GPR173: variants seen among roughly 807,000 people sequenced by gnomAD.
The protein encoded by GPR173 is G protein-coupled receptor 173.
A neutral mutation model predicts 13.9 loss-of-function variants in GPR173; 2 were observed. That is an observed-to-expected ratio of 0.14 (90% CI 0.06 to 0.45). The LOEUF (loss-of-function observed/expected upper bound fraction) is 0.45, where lower values mean the gene tolerates loss of function less well. GPR173 is among the 20% of genes least tolerant of loss of function. The probability of loss-of-function intolerance (pLI) is 0.98; values close to 1 mark genes in which losing one functional copy is unlikely to be tolerated. For synonymous variants in GPR173, 131 were observed against 141.0 expected (o/e 0.93, Z 0.50); for missense variants, 202 against 340.5 (o/e 0.59, Z 3.20).
chrX:53,065,436 G>A (rs988553255), intron 1 of GPR173: 15 of 112,133 alleles, frequency 1.3e-4, no homozygotes, highest in African/African-American at 4.9e-4. Flanking sequence ...TGTTGAGTAT[G>A]GCTGGTGCTT....
chrX:53,062,305 C>T (rs1051927605), intron 1 of GPR173, among the ~76,000 whole-genome samples: 12 of 110,599 alleles, frequency 1.1e-4, no homozygotes, highest in African/African-American at 1.6e-4. Context: ...AGTCTTGACT[C>T]GTTCCAGCAC....
At chrX:53,066,304 T>C (rs1168844542) in intron 1 of GPR173, among the ~76,000 whole-genome samples, 3 of 111,629 alleles carry the variant, frequency 2.7e-5, no homozygotes, top group South Asian at 3.7e-4. Context: ...ATTTCCTAAG[T>C]TGAAGTTTTG....
intron 1 of GPR173, among the ~76,000 whole-genome samples, chrX:53,060,746 T>TA (rs1277475241): frequency 9.4e-6 from 1 of 105,854 alleles, no homozygotes; most frequent in Non-Finnish European, 1.9e-5. Context: ...GGTATACGGT[T>TA]AGCCTCAAAA....
chrX:53,071,754 G>A lies in GPR173; in HGVS notation c.-97-4771G>A, dbSNP rs1400284155. Among the ~76,000 whole-genome samples the A allele has an allele frequency of 4.4e-5, 5 of 112,499 alleles. No individual in the cohort carries two copies. The East Asian group carries it at 1.4e-3, about 31-fold the overall frequency. On this transcript the variant is annotated intron_variant, in intron 1 of 1. Transcript: ENST00000332582. ...TGAGGACGAAGCGCTGGCGCTCGGA[G>A]AGGGTACACTGTGTACCTGTGTGAA...
chrX:53,073,672 G>A (rs1454400739), intron 1 of GPR173, among the ~76,000 whole-genome samples: 1 of 103,099 alleles, frequency 9.7e-6, no homozygotes. Flanking sequence ...TGTTCTTTCA[G>A]AGGAGAGTCA....
At chrX:53,056,043 G>T (rs974529870) in intron 1 of GPR173, among the ~76,000 whole-genome samples, 32 of 109,399 alleles carry the variant, frequency 2.9e-4, no homozygotes, top group Admixed American at 5.0e-4. Context: ...GTCATTGTGG[G>T]TGTGTCTTAA....
At chrX:53,075,680 C>A (rs1387476431) in intron 1 of GPR173, among the ~76,000 whole-genome samples, 1 of 110,250 alleles carries the variant, frequency 9.1e-6, no homozygotes, top group Non-Finnish European at 1.9e-5. Context: ...GGCCCCAAGG[C>A]ATCTCTGCGA....
chrX:53,049,667 C>T (rs980251782), intron 1 of GPR173, among the ~76,000 whole-genome samples, 183 bp downstream of exon 1: 13 of 111,966 alleles, frequency 1.2e-4, no homozygotes, highest in African/African-American at 3.3e-4. Context: ...ATCTTCCCCC[C>T]ATCTTCCCCA....
chrX:53,059,021 G>A (rs1602089519), intron 1 of GPR173, among the ~76,000 whole-genome samples: 1 of 108,409 alleles, frequency 9.2e-6, no homozygotes, highest in African/African-American at 3.4e-5. Flanking sequence ...AGGCCGAGGC[G>A]GGCGGATCAC....
intron 1 of GPR173, among the ~76,000 whole-genome samples, chrX:53,068,471 A>G (rs1420732755): frequency 9.0e-6 from 1 of 110,800 alleles, no homozygotes; most frequent in East Asian, 2.8e-4. Flanking sequence ...AAATAAGAAG[A>G]AAATCAAATT....
chrX:53,073,150 G>A (rs1277985143), intron 1 of GPR173, among the ~76,000 whole-genome samples: 2 of 108,204 alleles, frequency 1.8e-5, no homozygotes, highest in African/African-American at 6.8e-5. Context: ...ACTTGAATCC[G>A]GTAGCCGGAG....
intron 1 of GPR173, among the ~76,000 whole-genome samples, chrX:53,075,412 T>C (rs908078817): frequency 9.7e-6 from 1 of 103,293 alleles, no homozygotes; most frequent in African/African-American, 3.5e-5. Flanking sequence ...TCATCTGACA[T>C]ACTATACTTC....
chrX:53,063,315 G>A (rs964886522), intron 1 of GPR173, among the ~76,000 whole-genome samples: 37 of 110,578 alleles, frequency 3.3e-4, no homozygotes, highest in Middle Eastern at 4.6e-3. Context: ...CACAGCAGGG[G>A]CAGCCAAGGG....
At chrX:53,076,498 G>GTCTGTT in intron 1 of GPR173, 27 bp from the exon 2 acceptor site, 1 of 469,066 alleles carries the variant, frequency 2.1e-6, no homozygotes. Context: ...CTGTGTCTGT[G>GTCTGTT]TCTCCCCCGC....
chrX:53,076,513 T>C lies in GPR173; in HGVS notation c.-97-12T>C, dbSNP rs782016672. ...CTGTGTCTGTGTCTCCCCCGCTCATTCCCATTTGCAGGTGCAATGTAGCAG... is the reference window on the plus strand; with the variant it reads ...CTGTGTCTGTGTCTCCCCCGCTCATCCCCATTTGCAGGTGCAATGTAGCAG... On this transcript the variant is annotated splice_polypyrimidine_tract_variant and intron_variant, in intron 1 of 1. Coordinates refer to ENST00000332582, the MANE Select transcript of GPR173 (RefSeq NM_018969.6). The C allele has an allele frequency of 5.6e-6, 3 of 534,261 alleles. No homozygotes were observed. The highest frequency in any genetic ancestry group is 9.0e-6 in the Non-Finnish European group (3 of 333,347). The allele number at this position is 534,261 out of a possible 1,213,427, so 44.0% of individuals were successfully genotyped here.
intron 1 of GPR173, among the ~76,000 whole-genome samples, chrX:53,053,524 A>G (rs1556802940): frequency 8.8e-6 from 1 of 113,462 alleles, no homozygotes; most frequent in Non-Finnish European, 1.9e-5. Flanking sequence ...ATGGATGTAC[A>G]CGTATGACTA....
At position 53,053,306 on chromosome X, in the gene GPR173, GGT is replaced by G. The variant is rs201950137; in HGVS notation, c.-98+3832_-98+3833del. 5.0e-3 allele frequency among the ~76,000 whole-genome samples: 559 copies of G among 112,369 alleles called. 8 individuals are homozygous for G. The highest frequency in any genetic ancestry group is 0.017 in the African/African-American group (533 of 30,920). The stretch of plus-strand genomic sequence containing the variant: ...GTGTAAATATATGTGGTCATGTCTG[GGT>G]GTGTGTGTGCACACATTTGGGAGCT... On this transcript the variant is annotated intron_variant, in intron 1 of 1. Coordinates refer to ENST00000332582, the MANE Select transcript of GPR173 (RefSeq NM_018969.6).
chrX:53,049,935 GGTGTGT>G lies in GPR173; in HGVS notation c.-98+487_-98+492del, dbSNP rs782209160. Among the ~76,000 whole-genome samples the G allele has an allele frequency of 4.9e-3, 457 of 92,995 alleles. 7 individuals are homozygous for G. The highest frequency in any genetic ancestry group is 0.039 in the Middle Eastern group (7 of 181). 80.8% of individuals were successfully genotyped at this position (92,995 alleles called of 115,157 possible). ...TCCAGGATCCCTGGCCTGCTGGCCG[GGTGTGT>G]GTGTGTGTGTGTGTGTGTGTGTGTG... On this transcript the variant is annotated intron_variant, in intron 1 of 1. Coordinates refer to ENST00000332582, the MANE Select transcript of GPR173 (RefSeq NM_018969.6).
In GPR173 at chrX:53,078,070, AAAG is replaced by A. The variant is rs781834536; in HGVS notation, c.*330_*332del. On this transcript the variant is annotated 3_prime_UTR_variant, in exon 2 of 2. Coordinates refer to ENST00000332582, the MANE Select transcript of GPR173 (RefSeq NM_018969.6). ...TCAGAAGTGACAATTCAGAAAAAGA[AAAG>A]AACACTGAGAATGCAGGTTTTTCTA... The A allele has an allele frequency of 3.7e-6, 1 of 269,039 alleles. No individual in the cohort carries two copies. Among genetic ancestry groups the A allele is most frequent in the Non-Finnish European group, 6.8e-6 (1 of 146,177 alleles). The allele number at this position is 269,039 out of a possible 1,213,427, so 22.2% of individuals were successfully genotyped here.
Sources: gnomAD v4.1 joint callset for allele counts (sites outside exome capture counted in the v4.1 genomes callset) on GRCh38, gnomAD v4.1.1 for gene constraint, MANE v1.5 for transcripts, NCBI Gene and HGNC (gene_info 2026-07-23, HGNC 2026-07-21) for gene names.